Variants in DLG2 observed in about 807,000 individuals in gnomAD.
DLG2 encodes disks large homolog 2.
DLG2 carries 45 observed loss-of-function variants against 132.5 expected under a neutral mutation model. The observed-to-expected ratio is 0.34, with a 90% CI of 0.27 to 0.44. DLG2 has a LOEUF of 0.44. Ranked by LOEUF, DLG2 falls within the 20% of genes least tolerant of loss-of-function variation. The pLI, the probability that DLG2 is intolerant of heterozygous loss-of-function variation, is 1.00. For synonymous variants in DLG2, 424 were observed against 419.6 expected (o/e 1.01, Z -0.13); for missense variants, 1,045 against 1,196.9 (o/e 0.87, Z 1.87).
At chr11:85,620,298 C>T (rs1393715298) in intron 2 of DLG2, among the ~76,000 whole-genome samples, 2 of 152,162 alleles carry the variant, frequency 1.3e-5, no homozygotes, top group Non-Finnish European at 2.9e-5. Context: ...CTGGTCATTG[C>T]CCCATCTCTC....
chr11:84,799,371 T>C (rs1308381488), intron 6 of DLG2, among the ~76,000 whole-genome samples: 12 of 152,164 alleles, frequency 7.9e-5, no homozygotes, highest in Admixed American at 7.9e-4. Flanking sequence ...ACAGATTCTC[T>C]CTTGGCACCA....
At chr11:84,660,063 T>C (rs150897138) in intron 6 of DLG2, among the ~76,000 whole-genome samples, 76 of 152,168 alleles carry the variant, frequency 5.0e-4, no homozygotes, top group African/African-American at 1.8e-3. Flanking sequence ...TCAGAGTTTT[T>C]ACTGGGGCTC....
At chr11:84,791,587 T>A (rs2073854338) in intron 6 of DLG2, among the ~76,000 whole-genome samples, 1 of 152,200 alleles carries the variant, frequency 6.6e-6, no homozygotes, top group African/African-American at 2.4e-5. Flanking sequence ...GAATATCTTT[T>A]TATGTTTTTG....
intron 3 of DLG2, among the ~76,000 whole-genome samples, chr11:85,512,819 AC>A (rs1256726133): frequency 6.6e-6 from 1 of 152,130 alleles, no homozygotes; most frequent in Non-Finnish European, 1.5e-5. Context: ...TTATCATTCG[AC>A]CCAGCAATCC....
chr11:85,319,590 T>C (rs530481009), intron 3 of DLG2, among the ~76,000 whole-genome samples: 1 of 151,730 alleles, frequency 6.6e-6, no homozygotes, highest in Non-Finnish European at 1.5e-5. Context: ...ATAAAACTCA[T>C]GGTATAAAAA....
At chr11:84,648,379 G>C (rs562127830) in intron 6 of DLG2, among the ~76,000 whole-genome samples, 2 of 152,292 alleles carry the variant, frequency 1.3e-5, no homozygotes, top group African/African-American at 4.8e-5. Context: ...ATGAATGCTA[G>C]TGCTTCCCAG....
At chr11:85,005,698 C>A (rs1016079521) in intron 6 of DLG2, among the ~76,000 whole-genome samples, 1 of 152,160 alleles carries the variant, frequency 6.6e-6, no homozygotes, top group African/African-American at 2.4e-5. Context: ...TTCCTCTCTT[C>A]CTATTTGAAT....
chr11:84,492,503 A>G (rs1248626522), intron 7 of DLG2, among the ~76,000 whole-genome samples: 1 of 152,164 alleles, frequency 6.6e-6, no homozygotes, highest in Non-Finnish European at 1.5e-5. Flanking sequence ...TTGAATACTG[A>G]TTCTATCATC....
At chr11:84,700,824 C>A (rs533663513) in intron 6 of DLG2, among the ~76,000 whole-genome samples, 1 of 151,620 alleles carries the variant, frequency 6.6e-6, no homozygotes, top group African/African-American at 2.4e-5. Context: ...CAAAGACATC[C>A]TCACTATCAG....
chr11:84,640,392 G>T, intron 6 of DLG2: 1 of 384,616 alleles, frequency 2.6e-6, no homozygotes, highest in Non-Finnish European at 4.5e-6. Context: ...TGCTTGTTTG[G>T]TATCTCAAGC....
Position 83,865,641 on chromosome 11 carries a change from G to A in DLG2, c.1565+8779C>T, listed in dbSNP as rs138483664. ...GAAAGATGCAGCAGTGGCAATGAAC[G>A]ATCTCATAATTCTGGCACACAGGTA... is the stretch of plus-strand genomic sequence containing the variant. On this transcript the variant is annotated intron_variant, in intron 16 of 27. Coordinates refer to ENST00000376104, the MANE Select transcript of DLG2 (RefSeq NM_001142699.3). 4.1e-3 allele frequency among the ~76,000 whole-genome samples: 622 copies of A among 152,012 alleles called. 2 individuals carry two copies. The highest frequency in any genetic ancestry group is 0.039 in the South Asian group (186 of 4,820).
In DLG2 at chr11:84,791,177, G is replaced by T. The variant is rs1041988574; in HGVS notation, c.358-256446C>A. Among the ~76,000 whole-genome samples the T allele has an allele frequency of 3.9e-5, 6 of 152,238 alleles. No individual in the cohort carries two copies. The East Asian group carries it at 7.7e-4, about 20-fold the overall frequency. On this transcript the variant is annotated intron_variant, in intron 6 of 27. Transcript: ENST00000376104. ...GAACTCACTCACTATCCGGATAACAGCATGGGGAAAACTGCCCCCATAAAC... is the reference window on the plus strand; with the variant it reads ...GAACTCACTCACTATCCGGATAACATCATGGGGAAAACTGCCCCCATAAAC...
chr11:84,311,242 T>C (rs1013086397), intron 7 of DLG2, among the ~76,000 whole-genome samples: 2 of 152,140 alleles, frequency 1.3e-5, no homozygotes, highest in African/African-American at 4.8e-5. Context: ...AAGAGCACAA[T>C]ATGAATGATG....
chr11:85,005,176 G>A (rs1340619450), intron 6 of DLG2, among the ~76,000 whole-genome samples: 1 of 152,148 alleles, frequency 6.6e-6, no homozygotes, highest in East Asian at 1.9e-4. Context: ...CTGCAGCTTT[G>A]TTCTTTTTGC....
At chr11:85,314,124 G>C (rs2080490134) in intron 3 of DLG2, among the ~76,000 whole-genome samples, 1 of 151,920 alleles carries the variant, frequency 6.6e-6, no homozygotes, top group Admixed American at 6.6e-5. Context: ...CATTTATTGA[G>C]AACATACAAT....
At chr11:84,532,909 T>A (rs928484483) in intron 7 of DLG2, among the ~76,000 whole-genome samples, 6 of 152,312 alleles carry the variant, frequency 3.9e-5, no homozygotes, top group African/African-American at 1.4e-4. Context: ...TTTTCAGTGG[T>A]TTGTAAACAG....
At chr11:84,843,940 G>A (rs1043160022) in intron 6 of DLG2, among the ~76,000 whole-genome samples, 1 of 150,132 alleles carries the variant, frequency 6.7e-6, no homozygotes, top group African/African-American at 2.4e-5. Flanking sequence ...CCCATTATAT[G>A]TCCTATTTAT....
chr11:85,159,313 T>C (rs2077850145), intron 4 of DLG2, among the ~76,000 whole-genome samples: 1 of 152,204 alleles, frequency 6.6e-6, no homozygotes, highest in Admixed American at 6.5e-5. Context: ...GAATGCATAA[T>C]TGGCATAGAC....
At chr11:85,554,214 CA>C (rs560364876) in intron 3 of DLG2, among the ~76,000 whole-genome samples, 5 of 150,412 alleles carry the variant, frequency 3.3e-5, no homozygotes, top group South Asian at 2.1e-4. Flanking sequence ...AGCAAATTAA[CA>C]AAAAAAATTG....
Sources: allele counts gnomAD v4.1 joint callset (sites outside exome capture counted in the v4.1 genomes callset), GRCh38; gene constraint gnomAD v4.1.1; transcripts MANE v1.5; gene names NCBI Gene and HGNC (gene_info 2026-07-23, HGNC 2026-07-21).